Variants in EYA2 observed in about 807,000 individuals in gnomAD.
EYA2 encodes protein phosphatase EYA2.
Under a neutral mutation model 69.2 loss-of-function variants are expected in EYA2, and 31 were observed. That is an observed-to-expected ratio of 0.45 (90% CI 0.34 to 0.60). The LOEUF (loss-of-function observed/expected upper bound fraction) is 0.60. Among genes scored for constraint, EYA2 ranks in the 20% least tolerant of loss-of-function variants. The pLI is 0.02. For missense variants in EYA2, 622 were observed against 701.2 expected, an observed-to-expected ratio of 0.89 and a Z score of 1.28; for synonymous variants, 257 against 279.4, an observed-to-expected ratio of 0.92 and a Z score of 0.80.
intron 5 of EYA2, among the ~76,000 whole-genome samples, chr20:47,031,078 G>GT (rs1984384066): frequency 6.6e-6 from 1 of 152,190 alleles, no homozygotes; most frequent in Non-Finnish European, 1.5e-5. Flanking sequence ...CACGCAGTGG[G>GT]TAAGGAAATG....
chr20:47,070,229 G>C (rs1420453294), intron 5 of EYA2, among the ~76,000 whole-genome samples: 1 of 152,218 alleles, frequency 6.6e-6, no homozygotes, highest in East Asian at 1.9e-4. Context: ...ACTAGGGTTT[G>C]ATGGGAAAAA....
At position 47,022,286 on chromosome 20, in the gene EYA2, T is replaced by A. The variant is rs543624732; in HGVS notation, c.415+5989T>A. Among the ~76,000 whole-genome samples the A allele has an allele frequency of 2.2e-4, 33 of 152,264 alleles. No homozygotes were observed. In the South Asian group the frequency reaches 5.0e-3, roughly 23 times the overall value. On this transcript the variant is annotated intron_variant, in intron 5 of 15. Coordinates refer to ENST00000327619, the MANE Select transcript of EYA2 (RefSeq NM_005244.5). The stretch of plus-strand genomic sequence containing the variant: ...TTTCTATTGTTTTAAACAATGAACA[T>A]GTATGTTTTTCTTTTTCCTGTGTTT...
intron 1 of EYA2, among the ~76,000 whole-genome samples, chr20:46,962,466 A>G (rs1242779063): frequency 6.6e-6 from 1 of 152,184 alleles, no homozygotes; most frequent in Non-Finnish European, 1.5e-5. Flanking sequence ...ATTATGTGTC[A>G]ATTAAAAGTT....
intron 10 of EYA2, among the ~76,000 whole-genome samples, chr20:47,144,247 G>T (rs950345761): frequency 6.6e-6 from 1 of 151,692 alleles, no homozygotes; most frequent in Non-Finnish European, 1.5e-5. Flanking sequence ...TCCCAGCTAC[G>T]CAGGAGGCTG....
intron 11 of EYA2, 134 bp downstream of exon 11, chr20:47,169,331 G>A: frequency 1.2e-6 from 1 of 846,056 alleles, no homozygotes. Context: ...CCAGAACTGG[G>A]ACTTTTGCAT....
intron 9 of EYA2, among the ~76,000 whole-genome samples, chr20:47,129,951 G>A (rs1288085104): frequency 5.9e-5 from 9 of 152,126 alleles, no homozygotes; most frequent in African/African-American, 2.2e-4. Context: ...AGGACCAGGT[G>A]AAGTGCTAGA....
chr20:46,939,744 G>A (rs1986076050), intron 1 of EYA2, among the ~76,000 whole-genome samples: 2 of 152,282 alleles, frequency 1.3e-5, no homozygotes, highest in South Asian at 4.1e-4. Flanking sequence ...GAGTCTAACA[G>A]ATGACACAGC....
chr20:47,101,997 A>G (rs1187279593), intron 9 of EYA2, among the ~76,000 whole-genome samples: 1 of 152,248 alleles, frequency 6.6e-6, no homozygotes, highest in African/African-American at 2.4e-5. Context: ...GAAGTACAGC[A>G]TATTTAAGCT....
intron 5 of EYA2, among the ~76,000 whole-genome samples, chr20:47,036,474 C>T (rs1056099388): frequency 3.3e-5 from 5 of 152,080 alleles, no homozygotes; most frequent in Non-Finnish European, 7.4e-5. Context: ...TATGGTCCTG[C>T]CGTGGCAGGG....
intron 1 of EYA2, among the ~76,000 whole-genome samples, chr20:46,955,256 C>T (rs1238526332): frequency 6.6e-6 from 1 of 152,112 alleles, no homozygotes; most frequent in Admixed American, 6.6e-5. Flanking sequence ...CCTGCCTCAG[C>T]CTGTAGCTGG....
intron 7 of EYA2, among the ~76,000 whole-genome samples, chr20:47,076,769 C>T (rs1031481674): frequency 2.0e-5 from 3 of 152,196 alleles, no homozygotes; most frequent in African/African-American, 7.2e-5. Context: ...TCTCTTCCTT[C>T]TGGCTCTGAA....
At chr20:46,990,296 CTG>C (rs1172906979) in intron 2 of EYA2, among the ~76,000 whole-genome samples, 177 bp downstream of exon 2, 1 of 152,252 alleles carries the variant, frequency 6.6e-6, no homozygotes, top group Non-Finnish European at 1.5e-5. Flanking sequence ...TCTAACAACT[CTG>C]TCTCATCGTT....
intron 10 of EYA2, among the ~76,000 whole-genome samples, chr20:47,150,092 C>G (rs917837829): frequency 4.6e-5 from 7 of 152,224 alleles, no homozygotes; most frequent in African/African-American, 1.7e-4. Context: ...GAGTTTGGCC[C>G]CAGGAGGGTG....
At chr20:46,971,580 C>T (rs1980149422) in intron 1 of EYA2, among the ~76,000 whole-genome samples, 1 of 152,198 alleles carries the variant, frequency 6.6e-6, no homozygotes, top group East Asian at 1.9e-4. Context: ...TGCTAAGAAT[C>T]AGTTGTTTGT....
chr20:47,089,353 C>T lies in EYA2; in HGVS notation c.776C>T (p.Pro259Leu), dbSNP rs201200636. 25 of 1,614,068 alleles carry T rather than the reference C, an allele frequency of 1.5e-5. No individual in the cohort carries two copies. In the Admixed American group the frequency reaches 1.8e-4, roughly 12 times the overall value. Residue 259 changes from proline to leucine, a missense_variant, in exon 8 of 16, where the codon CCG becomes CTG. Pro to Leu is a moderately conservative substitution (Grantham distance 98). Around this residue, in one of 2 missense-constraint regions of EYA2, gnomAD observed 365 missense variants for 349.7 expected, o/e 1.04. Transcript: ENST00000327619. ...GGCCGGTCTAAGAGGAGCAGTGACC[C>T]GTCCCCGGCAGGGGACAATGAGATT... ...LRGRSKRSSD[P>L]SPAGDNEIER...
In EYA2 at chr20:47,018,520, G is replaced by A. The variant is rs559486911; in HGVS notation, c.415+2223G>A. 5.1e-4 allele frequency among the ~76,000 whole-genome samples: 78 copies of A among 152,332 alleles called. 1 individual carries two copies. The highest frequency in any genetic ancestry group is 1.7e-3 in the African/African-American group (71 of 41,582). On this transcript the variant is annotated intron_variant, in intron 5 of 15. Coordinates refer to ENST00000327619, the MANE Select transcript of EYA2 (RefSeq NM_005244.5). ...GACCGTGAGCAGTGGTATGGACCAG[G>A]AGTGGTGATCGGCATTCAGCAGGTG...
chr20:47,017,537 G>A lies in EYA2; in HGVS notation c.415+1240G>A, dbSNP rs184270949. On this transcript the variant is annotated intron_variant, in intron 5 of 15. Transcript: ENST00000327619. ...GTAATAAAAATGATTGTCAAGGGCA[G>A]CATTTCAGGAAAAAAAAATTGTGAA... Among the ~76,000 whole-genome samples the A allele has an allele frequency of 1.4e-4, 22 of 152,224 alleles. No individual in the cohort carries two copies. In the East Asian group the frequency reaches 4.2e-3, roughly 29 times the overall value.
chr20:46,918,813 G>C (rs1168770713), intron 1 of EYA2, among the ~76,000 whole-genome samples: 1 of 152,178 alleles, frequency 6.6e-6, no homozygotes, highest in African/African-American at 2.4e-5. Flanking sequence ...AAATCTATCA[G>C]AGGAATCATG....
intron 5 of EYA2, among the ~76,000 whole-genome samples, chr20:47,059,323 T>C (rs2146450259): frequency 6.6e-6 from 1 of 152,296 alleles, no homozygotes; most frequent in African/African-American, 2.4e-5. Flanking sequence ...AAACTTTATT[T>C]TCAGCATGTC....
Sources: gnomAD v4.1 joint callset for allele counts (sites outside exome capture counted in the v4.1 genomes callset) on GRCh38, gnomAD v4.1.1 for gene constraint, gnomAD v4.1.1 regional missense constraint, MANE v1.5 for transcripts, NCBI Gene and HGNC (gene_info 2026-07-23, HGNC 2026-07-21) for gene names.